The following PLAA variants were observed in gnomAD, a reference collection of about 807,000 sequenced individuals.
The protein encoded by PLAA is phospholipase A-2-activating protein.
Under a neutral mutation model 84.1 loss-of-function variants are expected in PLAA, and 48 were observed. That is an observed-to-expected ratio of 0.57 (90% confidence interval 0.45 to 0.73). The LOEUF is 0.73. Ranked by LOEUF, PLAA falls within the 30% of genes least tolerant of loss-of-function variation. The probability of loss-of-function intolerance (pLI) is 0.00; values close to 1 mark genes in which losing one functional copy is unlikely to be tolerated. For synonymous variants in PLAA, 392 were observed against 336.6 expected (o/e 1.16, Z -1.80); for missense variants, 903 against 954.7 (o/e 0.95, Z 0.71).
chr9:26,940,637 T>C (rs1293681294), intron 1 of PLAA, among the ~76,000 whole-genome samples: 1 of 152,186 alleles, frequency 6.6e-6, no homozygotes. Flanking sequence ...ATGGTTAAGA[T>C]GGCAAATTTT....
At chr9:26,944,130 T>C (rs1349334906) in intron 1 of PLAA, among the ~76,000 whole-genome samples, 2 of 152,180 alleles carry the variant, frequency 1.3e-5, no homozygotes. Context: ...CGGGACTGGG[T>C]TAGAGAGTGG....
chr9:26,933,540 G>C (rs896600062), intron 2 of PLAA, among the ~76,000 whole-genome samples: 26 of 152,002 alleles, frequency 1.7e-4, no homozygotes, highest in African/African-American at 5.8e-4. Context: ...TGTAATCCCA[G>C]CAATATGGAA....
At chr9:26,923,409 C>T in intron 6 of PLAA, 62 bp from the exon 7 acceptor site, 1 of 1,121,798 alleles carries the variant, frequency 8.9e-7, no homozygotes, top group Non-Finnish European at 1.3e-6. Context: ...ATTATCACAC[C>T]TGAATGATCC....
chr9:26,930,314 T>C lies in PLAA; in HGVS notation c.344-1906A>G, dbSNP rs548426980. 1.2e-3 allele frequency among the ~76,000 whole-genome samples: 180 copies of C among 152,064 alleles called. 1 individual carries two copies. The highest frequency in any genetic ancestry group is 2.3e-3 in the African/African-American group (97 of 41,506). On this transcript the variant is annotated intron_variant, in intron 2 of 13. Coordinates refer to ENST00000397292, the MANE Select transcript of PLAA (RefSeq NM_001031689.3). ...AGAGATGGGGTTTCACCGTGTTAGC[T>C]AGGATGGTCTCGATCTCCTGACCTT...
intron 2 of PLAA, among the ~76,000 whole-genome samples, chr9:26,934,097 T>C (rs1309586698): frequency 6.6e-6 from 1 of 152,130 alleles, no homozygotes; most frequent in African/African-American, 2.4e-5. Context: ...ATATGAGCCA[T>C]GGTGCCTGGC....
chr9:26,921,321 A>T (rs1824751689), intron 7 of PLAA, among the ~76,000 whole-genome samples: 1 of 152,140 alleles, frequency 6.6e-6, no homozygotes, highest in Non-Finnish European at 1.5e-5. Context: ...CTTCCATTAG[A>T]TACAGCTGTA....
At position 26,915,222 on chromosome 9, in the gene PLAA, A is replaced by G. The variant is rs531442390; in HGVS notation, c.1487-1275T>C. 2.6e-5 allele frequency among the ~76,000 whole-genome samples: 4 copies of G among 152,194 alleles called. No individual in the cohort carries two copies. The East Asian group carries it at 7.7e-4, about 29-fold the overall frequency. ...AACAAAACTCTGACTCGAAAAAAAA[A>G]AAAATCTAAGATCAAACTACCACCA... On this transcript the variant is annotated intron_variant, in intron 10 of 13. Coordinates refer to ENST00000397292, the MANE Select transcript of PLAA (RefSeq NM_001031689.3).
At chr9:26,933,602 C>T (rs1587182392) in intron 2 of PLAA, among the ~76,000 whole-genome samples, 1 of 151,754 alleles carries the variant, frequency 6.6e-6, no homozygotes, top group African/African-American at 2.4e-5. Context: ...TCCTGGCTAA[C>T]ATGGTAAAAC....
At chr9:26,906,224 A>G (rs62544437) in intron 13 of PLAA, 148 bp from the exon 14 acceptor site, 34,908 of 512,260 alleles carry the variant, frequency 0.068, 1,543 homozygotes, top group Middle Eastern at 0.14. Context: ...AAAAATGCAT[A>G]TATTTCTGAA....
rs558694753 is a variant in PLAA at position 26,912,769 on chromosome 9, T to C, written c.1555+1110A>G. Among the ~76,000 whole-genome samples the C allele has an allele frequency of 6.6e-5, 10 of 152,250 alleles. No homozygotes were observed. The East Asian group carries it at 1.9e-3, about 29-fold the overall frequency. On this transcript the variant is annotated intron_variant, in intron 11 of 13. Coordinates refer to ENST00000397292, the MANE Select transcript of PLAA (RefSeq NM_001031689.3). ...TGAGAAAAACAAAAGCACAGACACA[T>C]CAAATAAATTGTTCAAGGTCAAGCA...
At chr9:26,922,168 T>A (rs1482273694) in intron 7 of PLAA, among the ~76,000 whole-genome samples, 1 of 152,198 alleles carries the variant, frequency 6.6e-6, no homozygotes, top group East Asian at 1.9e-4. Flanking sequence ...TACTTTAGGT[T>A]TTCTCACCCG....
At chr9:26,915,665 A>G (rs1181476937) in intron 10 of PLAA, 1 of 973,212 alleles carries the variant, frequency 1.0e-6, no homozygotes, top group African/African-American at 1.8e-5. Flanking sequence ...AAGTGTATTC[A>G]ATTATCCTGA....
Position 26,905,903 on chromosome 9 carries a change from A to G in PLAA, c.1996T>C (p.Cys666Arg). Reference protein sequence around the residue: ...QLLALRTFCNCFVGQAGQKLM... With the variant: ...QLLALRTFCNRFVGQAGQKLM... Reference sequence around the variant, plus strand: ...TTTTGTCCTGCCTGGCCAACAAAACAATTGCAAAAAGTCCTGAGAGCAAGC... The same window carrying G: ...TTTTGTCCTGCCTGGCCAACAAAACGATTGCAAAAAGTCCTGAGAGCAAGC... Residue 666 changes from cysteine to arginine, a missense_variant, in exon 14 of 14, where the codon TGT becomes CGT. Coordinates refer to ENST00000397292, the MANE Select transcript of PLAA (RefSeq NM_001031689.3). 6.2e-7 allele frequency: 1 copy of G among 1,614,170 alleles called. No individual in the cohort carries two copies. The highest frequency in any genetic ancestry group is 8.5e-7 in the Non-Finnish European group (1 of 1,180,028).
Position 26,926,495 on chromosome 9 carries a change from C to A in PLAA, c.631G>T (p.Asp211Tyr). The change falls in exon 5 of 14, where the codon GAT (aspartate) becomes TAT (tyrosine). Residue 211 changes from aspartate (D) to tyrosine (Y), a missense_variant. By Grantham distance (160) the Asp-to-Tyr change is radical. Coordinates refer to ENST00000397292, the MANE Select transcript of PLAA (RefSeq NM_001031689.3). Reference sequence around the variant, plus strand: ...ATTTGCCACCTTCTAATACTAGCATCATTTGCACAGGAAAGAAATTCTGTT... The same window carrying A: ...ATTTGCCACCTTCTAATACTAGCATAATTTGCACAGGAAAGAAATTCTGTT... Reference protein sequence around the residue: ...SETEFLSCANDASIRRWQITG... With the variant: ...SETEFLSCANYASIRRWQITG... The A allele has an allele frequency of 1.9e-6, 3 of 1,613,236 alleles. No homozygotes were observed. Among genetic ancestry groups the A allele is most frequent in the Non-Finnish European group, 2.5e-6 (3 of 1,179,336 alleles).
chr9:26,931,215 G>C (rs1477647005), intron 2 of PLAA, among the ~76,000 whole-genome samples: 2 of 151,862 alleles, frequency 1.3e-5, no homozygotes, highest in Non-Finnish European at 2.9e-5. Context: ...AATAAATTGG[G>C]AGAAGGGTCA....
intron 4 of PLAA, among the ~76,000 whole-genome samples, chr9:26,927,774 T>C (rs1825025616): frequency 6.6e-6 from 1 of 152,140 alleles, no homozygotes; most frequent in Admixed American, 6.6e-5. Context: ...TGTTTAGAAG[T>C]TTCAGGCTAA....
intron 2 of PLAA, among the ~76,000 whole-genome samples, chr9:26,933,651 T>C: frequency 6.6e-6 from 1 of 150,948 alleles, no homozygotes; most frequent in African/African-American, 2.4e-5. Flanking sequence ...TAGCCGGGCG[T>C]GGTAGCAGGC....
chr9:26,941,008 T>C (rs976527831), intron 1 of PLAA, among the ~76,000 whole-genome samples: 2 of 152,180 alleles, frequency 1.3e-5, no homozygotes, highest in Admixed American at 6.5e-5. Context: ...GATGTTTGTG[T>C]GCATCTTCGG....
Position 26,947,131 on chromosome 9 carries a change from G to A in PLAA, c.-86C>T. 1.4e-6 allele frequency: 2 copies of A among 1,384,700 alleles called. No homozygotes were observed. The highest frequency in any genetic ancestry group is 1.9e-6 in the Non-Finnish European group (2 of 1,063,950). 85.8% of individuals were successfully genotyped at this position (1,384,700 alleles called of 1,614,324 possible). Reference sequence around the variant, plus strand: ...ACTCGGAGAGCGCCGGGCCGCGGCGGGAGAAGAGCCTGCAGGTAAGGGGCG... The same window carrying A: ...ACTCGGAGAGCGCCGGGCCGCGGCGAGAGAAGAGCCTGCAGGTAAGGGGCG... On this transcript the variant is annotated 5_prime_UTR_variant, in exon 1 of 14. Transcript: ENST00000397292.
Sources: allele counts gnomAD v4.1 joint callset (sites outside exome capture counted in the v4.1 genomes callset), GRCh38; gene constraint gnomAD v4.1.1; transcripts MANE v1.5; gene names NCBI Gene and HGNC (gene_info 2026-07-23, HGNC 2026-07-21).